The following ETV1 variants were observed in gnomAD, a reference collection of about 807,000 sequenced individuals.
ETV1 encodes the protein ETS variant transcription factor 1, also known as ETS translocation variant 1.
In ETV1, 27 loss-of-function variants were observed where a neutral mutation model predicts 62.3. The observed-to-expected ratio is 0.43, with a 90% confidence interval of 0.32 to 0.60. The LOEUF is 0.60. Among genes scored for constraint, ETV1 ranks in the 20% least tolerant of loss-of-function variants. The pLI is 0.06. For synonymous variants in ETV1, 222 were observed against 199.6 expected (o/e 1.11, Z -0.94); for missense variants, 605 against 605.8 (o/e 1.00, Z 0.01).
chr7:13,925,031 C>T (rs1453607046), intron 9 of ETV1, among the ~76,000 whole-genome samples: 2 of 152,186 alleles, frequency 1.3e-5, no homozygotes, highest in African/African-American at 4.8e-5. Context: ...GTTTCTTCGG[C>T]AAACATATGA....
chr7:13,958,568 G>C (rs949275164), intron 6 of ETV1, among the ~76,000 whole-genome samples: 3 of 152,158 alleles, frequency 2.0e-5, no homozygotes, highest in African/African-American at 7.2e-5. Flanking sequence ...TTCCAGTTCT[G>C]TCACTACTTG....
At chr7:13,905,671 G>T (rs917164043) in intron 12 of ETV1, among the ~76,000 whole-genome samples, 2 of 152,162 alleles carry the variant, frequency 1.3e-5, no homozygotes, top group African/African-American at 4.8e-5. Context: ...GGGGACAATT[G>T]AAGTTAGTTG....
At chr7:13,902,114 A>T (rs1480504180) in intron 12 of ETV1, among the ~76,000 whole-genome samples, 3 of 152,112 alleles carry the variant, frequency 2.0e-5, no homozygotes, top group Non-Finnish European at 4.4e-5. Flanking sequence ...ACGCAAACCT[A>T]GGCAACCCCA....
Position 13,988,921 on chromosome 7 carries a change from C to T in ETV1, c.45+87G>A. 2.7e-6 allele frequency: 4 copies of T among 1,477,702 alleles called. No individual in the cohort carries two copies. The South Asian group carries it at 4.7e-5, about 18-fold the overall frequency. The allele number at this position is 1,477,702 out of a possible 1,614,324, so 91.5% of individuals were successfully genotyped here. Reference sequence around the variant, plus strand: ...GATAAGTATCTGCAATCCCAACCCCCGTGCCCCCTCCCTTCTCATTTTCTC... The same window carrying T: ...GATAAGTATCTGCAATCCCAACCCCTGTGCCCCCTCCCTTCTCATTTTCTC... On this transcript the variant is annotated intron_variant, in intron 3 of 13. Coordinates refer to ENST00000430479, the MANE Select transcript of ETV1 (RefSeq NM_004956.5).
intron 9 of ETV1, 121 bp downstream of exon 9, chr7:13,931,381 A>C: frequency 9.2e-7 from 1 of 1,084,830 alleles, no homozygotes; most frequent in Non-Finnish European, 1.3e-6. Flanking sequence ...GAACGGACAA[A>C]ATCTGAAAGA....
chr7:13,961,853 T>G (rs2128483696), intron 6 of ETV1, among the ~76,000 whole-genome samples: 1 of 152,272 alleles, frequency 6.6e-6, no homozygotes, highest in South Asian at 2.1e-4. Flanking sequence ...TAGTTTCTTC[T>G]AACAGTATCA....
chr7:13,953,258 A>G (rs1298339890), intron 6 of ETV1, among the ~76,000 whole-genome samples: 1 of 152,106 alleles, frequency 6.6e-6, no homozygotes, highest in Non-Finnish European at 1.5e-5. Context: ...GAATCAAGAT[A>G]CCCATCCAAA....
intron 6 of ETV1, among the ~76,000 whole-genome samples, chr7:13,951,367 A>G (rs2282872): frequency 0.43 from 64,928 of 152,052 alleles, 13,990 homozygotes; most frequent in Admixed American, 0.5. Flanking sequence ...ACTGCCACTT[A>G]TTAACTATAA....
chr7:13,933,490 G>A (rs183914180), intron 8 of ETV1, among the ~76,000 whole-genome samples: 15 of 152,310 alleles, frequency 9.8e-5, no homozygotes, highest in African/African-American at 3.6e-4. Context: ...CCTGCACAGT[G>A]GGTTCAGGAA....
intron 6 of ETV1, among the ~76,000 whole-genome samples, chr7:13,944,604 G>T (rs1787942353): frequency 6.6e-6 from 1 of 152,084 alleles, no homozygotes; most frequent in Non-Finnish European, 1.5e-5. Context: ...AGGGCATAAG[G>T]ATTCTCAAAG....
At chr7:13,959,882 CAAAA>C (rs35605197) in intron 6 of ETV1, among the ~76,000 whole-genome samples, 4 of 56,726 alleles carry the variant, frequency 7.1e-5, no homozygotes, top group Admixed American at 2.7e-4. Flanking sequence ...GATTCTGTCT[CAAAA>C]AAAAAAAAAA....
At chr7:13,970,601 G>C (rs1437754623) in intron 6 of ETV1, among the ~76,000 whole-genome samples, 1 of 152,054 alleles carries the variant, frequency 6.6e-6, no homozygotes, top group Non-Finnish European at 1.5e-5. Context: ...GGTAAAAGCA[G>C]TCAGAAAAAC....
At chr7:13,989,671 G>A (rs904680676), upstream of ETV1, 1 of 398,770 alleles carries the variant, frequency 2.5e-6, no homozygotes, top group African/African-American at 2.1e-5. Flanking sequence ...GCCTCTGACA[G>A]AGCTCAATTC....
intron 5 of ETV1, among the ~76,000 whole-genome samples, chr7:13,984,428 G>A (rs1782333716): frequency 6.6e-6 from 1 of 151,860 alleles, no homozygotes; most frequent in Non-Finnish European, 1.5e-5. Context: ...GGTGGGATAA[G>A]TCAAGTTAAA....
intron 5 of ETV1, among the ~76,000 whole-genome samples, chr7:13,979,489 T>C (rs2128504092): frequency 6.6e-6 from 1 of 151,818 alleles, no homozygotes; most frequent in South Asian, 2.1e-4. Flanking sequence ...GATTCATAAA[T>C]TACAAGGCGA....
At position 13,931,752 on chromosome 7, in the gene ETV1, A is replaced by G; in HGVS notation, c.555-3T>C. On this transcript the variant is annotated splice_region_variant and splice_polypyrimidine_tract_variant and intron_variant, in intron 8 of 13. Transcript: ENST00000430479. ...GTTCAGAAAGCTGGCGGCGAAATCT[A>G]GGGAATAAGAGAGTGTGTTTCAGAT... is the stretch of plus-strand genomic sequence containing the variant. The G allele has an allele frequency of 6.2e-7, 1 of 1,612,976 alleles. No individual in the cohort carries two copies. Among genetic ancestry groups the G allele is most frequent in the Non-Finnish European group, 8.5e-7 (1 of 1,178,984 alleles).
intron 6 of ETV1, among the ~76,000 whole-genome samples, chr7:13,952,380 C>G (rs985601658): frequency 6.6e-6 from 1 of 152,104 alleles, no homozygotes; most frequent in African/African-American, 2.4e-5. Context: ...ATTCCAAGGG[C>G]ATAACATTCT....
chr7:13,904,138 T>C (rs763175008), intron 12 of ETV1, among the ~76,000 whole-genome samples: 1 of 152,160 alleles, frequency 6.6e-6, no homozygotes, highest in Non-Finnish European at 1.5e-5. Flanking sequence ...AGAAGAAATT[T>C]AAACAAGACC....
intron 6 of ETV1, among the ~76,000 whole-genome samples, chr7:13,956,192 G>T (rs541563921): frequency 6.6e-6 from 1 of 152,114 alleles, no homozygotes; most frequent in Non-Finnish European, 1.5e-5. Flanking sequence ...ACATACACTT[G>T]TAACCTAAGA....
Sources: allele counts gnomAD v4.1 joint callset (sites outside exome capture counted in the v4.1 genomes callset), GRCh38; gene constraint gnomAD v4.1.1; transcripts MANE v1.5; gene names NCBI Gene and HGNC (gene_info 2026-07-23, HGNC 2026-07-21).